Variants in FLACC1 observed in about 807,000 individuals in gnomAD.
FLACC1 encodes the protein flagellum associated containing coiled-coil domains 1.
FLACC1 carries 66 observed loss-of-function variants against 62.8 expected under a neutral mutation model. The ratio of observed to expected loss-of-function variants is 1.05; its 90% CI spans 0.86 to 1.29. FLACC1 has a LOEUF of 1.29. FLACC1 is among the 50% of genes most tolerant of loss of function. The pLI is 0.00. For synonymous variants in FLACC1, 156 were observed against 161.0 expected, an observed-to-expected ratio of 0.97 and a Z score of 0.24; for missense variants, 452 against 489.1, an observed-to-expected ratio of 0.92 and a Z score of 0.71.
At chr2:201,358,653 G>A (rs933002648), upstream of FLACC1, among the ~76,000 whole-genome samples, 5 of 151,916 alleles carry the variant, frequency 3.3e-5, no homozygotes, top group African/African-American at 9.7e-5. Flanking sequence ...TCCTGACCTC[G>A]TGATCCGCCC....
chr2:201,329,395 A>AAAC (rs1470368954), intron 9 of FLACC1, among the ~76,000 whole-genome samples: 3 of 152,214 alleles, frequency 2.0e-5, no homozygotes, highest in African/African-American at 7.2e-5. Flanking sequence ...GAAATTCTCA[A>AAAC]AGAACTTAAA....
chr2:201,312,840 A>T (rs561930000), intron 9 of FLACC1, among the ~76,000 whole-genome samples: 1 of 152,322 alleles, frequency 6.6e-6, no homozygotes, highest in East Asian at 1.9e-4. Flanking sequence ...CCTCTGAAGG[A>T]AGTGGATTGC....
intron 11 of FLACC1, among the ~76,000 whole-genome samples, chr2:201,302,877 A>G: frequency 6.6e-6 from 1 of 152,362 alleles, no homozygotes; most frequent in South Asian, 2.1e-4. Flanking sequence ...GTTCTTCGAA[A>G]CCAATGAGAA....
intron 2 of FLACC1, 52 bp downstream of exon 2, chr2:201,351,240 T>G (rs1233511058): frequency 5.6e-6 from 8 of 1,437,308 alleles, no homozygotes; most frequent in Non-Finnish European, 7.8e-6. Context: ...GAAATGAGGC[T>G]ACAAATGGAT....
At chr2:201,289,257 T>C (rs1342928777) in intron 14 of FLACC1, among the ~76,000 whole-genome samples, 200 bp downstream of exon 14, 2 of 151,072 alleles carry the variant, frequency 1.3e-5, no homozygotes, top group African/African-American at 4.8e-5. Context: ...GGGAGAAGTA[T>C]AGACACATCT....
chr2:201,315,539 C>T (rs6720225), intron 9 of FLACC1, among the ~76,000 whole-genome samples: 12,876 of 152,160 alleles, frequency 0.085, 736 homozygotes, highest in Non-Finnish European at 0.13. Context: ...AACACTGGAG[C>T]TCCCAAATTT....
At chr2:201,351,257 G>A (rs1234773358) in intron 2 of FLACC1, 35 bp downstream of exon 2, 2 of 1,512,450 alleles carry the variant, frequency 1.3e-6, no homozygotes, top group Non-Finnish European at 1.8e-6. Flanking sequence ...GGATCCCAAG[G>A]TCCCTGTGCC....
chr2:201,309,152 T>C lies in FLACC1; in HGVS notation c.774A>G (p.Gln258=). Residue 258 remains glutamine (Q), a splice_region_variant and synonymous_variant, in exon 10 of 15, where the codon CAA becomes CAG. Transcript: ENST00000392257. ...AAAAGCTAGAGTTTCTGTACTCACT[T>C]TGCTGTAGCAGGATATTTTCTCGCT... The part of the protein sequence containing the change: ...KFERENILLQ[Q]KKKMTKKFEM... 6.2e-7 allele frequency: 1 copy of C among 1,612,726 alleles called. No homozygotes were observed. Among genetic ancestry groups the C allele is most frequent in the Non-Finnish European group, 8.5e-7 (1 of 1,178,702 alleles).
chr2:201,321,003 C>T (rs543617727), intron 9 of FLACC1, among the ~76,000 whole-genome samples: 1 of 152,342 alleles, frequency 6.6e-6, no homozygotes, highest in East Asian at 1.9e-4. Context: ...GCTATCACCA[C>T]TGCCTGCACC....
At chr2:201,289,869 A>C in intron 12 of FLACC1, 84 bp from the exon 13 acceptor site, 1 of 1,607,378 alleles carries the variant, frequency 6.2e-7, no homozygotes, top group Non-Finnish European at 8.5e-7. Flanking sequence ...ACTATGATGA[A>C]AGGGAGCAAC....
At chr2:201,362,474 A>G in the FLACC1 span, among the ~76,000 whole-genome samples, 1 of 152,114 alleles carries the variant, frequency 6.6e-6, no homozygotes, top group African/African-American at 2.4e-5. Context: ...ATTGTGAAGG[A>G]CACCCCAGAT....
At chr2:201,339,970 A>G (rs1950773609) in intron 7 of FLACC1, among the ~76,000 whole-genome samples, 1 of 152,128 alleles carries the variant, frequency 6.6e-6, no homozygotes, top group Non-Finnish European at 1.5e-5. Flanking sequence ...TCTAGCACCC[A>G]AGTGGTACTC....
At chr2:201,293,416 A>G (rs1949783262) in intron 12 of FLACC1, among the ~76,000 whole-genome samples, 4 of 152,244 alleles carry the variant, frequency 2.6e-5, no homozygotes, top group South Asian at 4.1e-4. Context: ...CTGCTCCTGA[A>G]TGACTACTGG....
At position 201,309,190 on chromosome 2, in the gene FLACC1, C is replaced by T. The variant is rs369567476; in HGVS notation, c.736G>A (p.Asp246Asn). ...ATATTTTCTCGCTCGAACTTCTCATCCTTCTTCCATTTCGCCTTCTGTTTT... is the reference window on the plus strand; with the variant it reads ...ATATTTTCTCGCTCGAACTTCTCATTCTTCTTCCATTTCGCCTTCTGTTTT... Reference protein sequence around the residue: ...WSKQKAKWKKDEKFERENILL... With the variant: ...WSKQKAKWKKNEKFERENILL... The change falls in exon 10 of 15, where the codon GAT becomes AAT. Residue 246 changes from aspartate (D) to asparagine (N), a missense_variant. By Grantham distance (23) the Asp-to-Asn change is conservative. Coordinates refer to ENST00000392257, the MANE Select transcript of FLACC1 (RefSeq NM_001127391.3). 3 of 1,613,962 alleles carry T rather than the reference C, an allele frequency of 1.9e-6. No homozygotes were observed. Among genetic ancestry groups the T allele is most frequent in the Admixed American group, 3.3e-5 (2 of 60,000 alleles).
intron 4 of FLACC1, chr2:201,348,016 T>C (rs181990633): frequency 5.4e-6 from 2 of 371,432 alleles, no homozygotes; most frequent in East Asian, 5.4e-5. Flanking sequence ...CTGTTTGTCT[T>C]GTGCAAGGCA....
rs745639897 is a variant in FLACC1 at position 201,307,536 on chromosome 2, A to C, written c.862T>G (p.Phe288Val). 1 of 1,614,090 alleles carries C rather than the reference A, an allele frequency of 6.2e-7. No homozygotes were observed. Among genetic ancestry groups the C allele is most frequent in the Admixed American group, 1.7e-5 (1 of 60,022 alleles). Residue 288 changes from phenylalanine (F) to valine (V), a missense_variant, in exon 11 of 15, where the codon TTC becomes GTC. Coordinates refer to ENST00000392257, the MANE Select transcript of FLACC1 (RefSeq NM_001127391.3). Reference protein sequence around the residue: ...NESCSAVFENFIQEKEELLKQ... With the variant: ...NESCSAVFENVIQEKEELLKQ... ...TGAGTTACCTCCTTCTCTTGAATGA[A>C]GTTCTCAAAGACAGCACTGCAGGAT...
chr2:201,309,126 A>G (rs761849477), intron 10 of FLACC1, 25 bp downstream of exon 10: 1 of 1,597,794 alleles, frequency 6.3e-7, no homozygotes, highest in South Asian at 1.1e-5. Context: ...CTTGTCATCA[A>G]AAAAGCTAGA....
chr2:201,351,361 C>CA lies in FLACC1; in HGVS notation c.43dup (p.Trp15LeufsTer60). On this transcript the variant is annotated frameshift_variant, in exon 2 of 15. Transcript: ENST00000392257. LOFTEE classifies it high-confidence loss of function. ...GATTAGCTTCCGTGGTCCCAAGTTC[C>CA]AGGGGTCCCAGCAGGTGCAGTAGAT... The CA allele has an allele frequency of 6.2e-7, 1 of 1,614,102 alleles. No homozygotes were observed.
chr2:201,306,786 C>CAA (rs201699240), intron 11 of FLACC1, among the ~76,000 whole-genome samples: 50 of 151,520 alleles, frequency 3.3e-4, no homozygotes, highest in African/African-American at 1.1e-3. Context: ...GTATATCTGG[C>CAA]AAAAAAAACT....
Sources: gnomAD v4.1 joint callset for allele counts (sites outside exome capture counted in the v4.1 genomes callset) on GRCh38, gnomAD v4.1.1 for gene constraint, MANE v1.5 for transcripts, NCBI Gene and HGNC (gene_info 2026-07-23, HGNC 2026-07-21) for gene names.